The following PRLR variants were observed in gnomAD, a reference collection of about 807,000 sequenced individuals.
PRLR encodes prolactin receptor.
In PRLR, 13 loss-of-function variants were observed where a neutral mutation model predicts 40.2. That is an observed-to-expected ratio of 0.32 (90% CI 0.21 to 0.51). PRLR has a LOEUF of 0.51. Among genes scored for constraint, PRLR ranks in the 20% least tolerant of loss-of-function variants. PRLR has a pLI of 0.97. For synonymous variants in PRLR, 269 were observed against 278.7 expected (o/e 0.97, Z 0.35); for missense variants, 656 against 747.3 (o/e 0.88, Z 1.42).
intron 1 of PRLR, among the ~76,000 whole-genome samples, chr5:35,135,818 C>T (rs1773839899): frequency 6.6e-6 from 1 of 152,210 alleles, no homozygotes; most frequent in South Asian, 2.1e-4. Flanking sequence ...GACATTGACT[C>T]CCTACTGGCC....
At chr5:35,086,953 C>T (rs1449734625) in intron 3 of PRLR, among the ~76,000 whole-genome samples, 1 of 152,076 alleles carries the variant, frequency 6.6e-6, no homozygotes, top group Non-Finnish European at 1.5e-5. Context: ...CCTTTCCTTC[C>T]TCTTTCCCCA....
chr5:35,091,027 T>C (rs1771176321), intron 2 of PRLR, among the ~76,000 whole-genome samples: 1 of 151,844 alleles, frequency 6.6e-6, no homozygotes. Flanking sequence ...TTAGCCAGGA[T>C]GGTCTCGCTC....
chr5:35,084,665 G>A (rs1419177503), intron 4 of PRLR, 26 bp from the exon 5 acceptor site: 4 of 1,590,246 alleles, frequency 2.5e-6, no homozygotes, highest in Non-Finnish European at 3.4e-6. Context: ...TATTAGGAAT[G>A]AATAAGAAAG....
intron 1 of PRLR, among the ~76,000 whole-genome samples, chr5:35,160,324 G>A (rs1241571064): frequency 6.6e-6 from 1 of 152,200 alleles, no homozygotes; most frequent in Non-Finnish European, 1.5e-5. Flanking sequence ...TGACACAGTT[G>A]GGTAGTGGGT....
At chr5:35,074,646 C>T (rs868595988) in intron 5 of PRLR, among the ~76,000 whole-genome samples, 4 of 151,652 alleles carry the variant, frequency 2.6e-5, no homozygotes, top group South Asian at 2.1e-4. Context: ...GGGAGGTAAA[C>T]GTGTTACAGA....
chr5:35,162,081 G>A (rs1178036613), intron 1 of PRLR, among the ~76,000 whole-genome samples: 1 of 152,192 alleles, frequency 6.6e-6, no homozygotes, highest in Non-Finnish European at 1.5e-5. Flanking sequence ...CTTTTCCAAT[G>A]AGTCCTGTGC....
intron 2 of PRLR, among the ~76,000 whole-genome samples, chr5:35,102,766 C>A (rs1448580708): frequency 6.6e-6 from 1 of 152,110 alleles, no homozygotes; most frequent in Non-Finnish European, 1.5e-5. Context: ...TGGTCTCGAA[C>A]TCCTGACCTC....
chr5:35,226,170 C>A (rs1336356401), intron 1 of PRLR, among the ~76,000 whole-genome samples: 1 of 152,186 alleles, frequency 6.6e-6, no homozygotes. Flanking sequence ...AAATACAAAT[C>A]GTTGTCAGCA....
intron 1 of PRLR, among the ~76,000 whole-genome samples, chr5:35,175,909 C>T (rs2111961142): frequency 6.6e-6 from 1 of 152,280 alleles, no homozygotes; most frequent in African/African-American, 2.4e-5. Context: ...GGATCTAAGT[C>T]ACCTGAAATC....
chr5:35,193,217 G>A (rs966560274), intron 1 of PRLR, among the ~76,000 whole-genome samples: 1 of 152,116 alleles, frequency 6.6e-6, no homozygotes, highest in Non-Finnish European at 1.5e-5. Flanking sequence ...AACAGCAGTG[G>A]GGACAAGGAG....
chr5:35,175,476 C>T (rs1423445049), intron 1 of PRLR, among the ~76,000 whole-genome samples: 1 of 152,160 alleles, frequency 6.6e-6, no homozygotes, highest in African/African-American at 2.4e-5. Context: ...CAGACTAATA[C>T]AATGATGGGT....
At chr5:35,102,492 T>TCTCCC (rs1561299429) in intron 2 of PRLR, among the ~76,000 whole-genome samples, 33 of 125,308 alleles carry the variant, frequency 2.6e-4, no homozygotes, top group Middle Eastern at 3.7e-3. Flanking sequence ...TCCCGTCTCC[T>TCTCCC]CTCCACTCCT....
intron 2 of PRLR, among the ~76,000 whole-genome samples, chr5:35,092,966 A>G (rs37382): frequency 0.26 from 39,560 of 151,964 alleles, 9,179 homozygotes; most frequent in African/African-American, 0.62. Flanking sequence ...TTCCCACCAC[A>G]CTGTGGCCCA....
chr5:35,116,679 C>T (rs1381100354), intron 2 of PRLR, among the ~76,000 whole-genome samples: 1 of 152,170 alleles, frequency 6.6e-6, no homozygotes, highest in Non-Finnish European at 1.5e-5. Context: ...GGAGAAAGCA[C>T]AGAGAAGTCT....
intron 8 of PRLR, 119 bp downstream of exon 8, chr5:35,068,660 C>T (rs951041194): frequency 1.3e-5 from 11 of 817,150 alleles, no homozygotes; most frequent in Middle Eastern, 4.6e-4. Flanking sequence ...GGCAAACACA[C>T]TACATCTAAT....
chr5:35,084,340 G>A, intron 5 of PRLR, 130 bp downstream of exon 5: 1 of 890,020 alleles, frequency 1.1e-6, no homozygotes, highest in South Asian at 2.0e-5. Context: ...CTGTTGACAA[G>A]CATATCGTGA....
intron 1 of PRLR, among the ~76,000 whole-genome samples, chr5:35,213,173 G>T (rs778825850): frequency 6.6e-6 from 1 of 152,104 alleles, no homozygotes; most frequent in Non-Finnish European, 1.5e-5. Flanking sequence ...CCTGATCAAC[G>T]ACCACTTTGT....
At chr5:35,225,620 A>G (rs1427212342) in intron 1 of PRLR, among the ~76,000 whole-genome samples, 7 of 152,280 alleles carry the variant, frequency 4.6e-5, no homozygotes, top group African/African-American at 7.2e-5. Flanking sequence ...TATTTAAACT[A>G]GTATACCTAA....
At chr5:35,129,706 T>C (rs1351570669) in intron 1 of PRLR, among the ~76,000 whole-genome samples, 1 of 151,874 alleles carries the variant, frequency 6.6e-6, no homozygotes, top group African/African-American at 2.4e-5. Flanking sequence ...CTATTTCTCA[T>C]TTCTCCCATT....
Sources: gnomAD v4.1 joint callset for allele counts (sites outside exome capture counted in the v4.1 genomes callset) on GRCh38, gnomAD v4.1.1 for gene constraint, MANE v1.5 for transcripts, NCBI Gene and HGNC (gene_info 2026-07-23, HGNC 2026-07-21) for gene names.